The following PLEKHA5 variants were observed in gnomAD, a reference collection of about 807,000 sequenced individuals.
PLEKHA5 encodes the protein pleckstrin homology domain containing A5.
Under a neutral mutation model 181.9 loss-of-function variants are expected in PLEKHA5, and 55 were observed. The observed-to-expected ratio is 0.30, with a 90% CI of 0.24 to 0.38. PLEKHA5 has a LOEUF of 0.38. Ranked by LOEUF, PLEKHA5 falls within the 10% of genes least tolerant of loss-of-function variation. The pLI, the probability that PLEKHA5 is intolerant of heterozygous loss-of-function variation, is 1.00. For synonymous variants in PLEKHA5, 535 were observed against 529.4 expected (o/e 1.01, Z -0.15); for missense variants, 1,432 against 1,549.5 (o/e 0.92, Z 1.27).
chr12:19,223,012 T>A (rs1446856943), intron 3 of PLEKHA5, among the ~76,000 whole-genome samples: 1 of 151,486 alleles, frequency 6.6e-6, no homozygotes, highest in Non-Finnish European at 1.5e-5. Flanking sequence ...TTTTTTTTTT[T>A]TTTTTTTCAT....
At chr12:19,198,751 G>A (rs1270568805) in intron 3 of PLEKHA5, among the ~76,000 whole-genome samples, 1 of 1,032 alleles carries the variant, frequency 9.7e-4, no homozygotes, top group African/African-American at 1.4e-3. Context: ...CTTAGGCAGA[G>A]TGGGAAAAAA....
intron 3 of PLEKHA5, among the ~76,000 whole-genome samples, chr12:19,230,392 C>G (rs535859971): frequency 6.6e-6 from 1 of 152,244 alleles, no homozygotes; most frequent in East Asian, 1.9e-4. Flanking sequence ...TTGATGGGAC[C>G]GGGCGTCGCA....
chr12:19,131,994 C>T (rs2034026968), intron 2 of PLEKHA5, among the ~76,000 whole-genome samples: 1 of 152,072 alleles, frequency 6.6e-6, no homozygotes. Context: ...CTGAAAAATA[C>T]GGTCTTAAAT....
At chr12:19,134,109 C>T (rs1212275588) in intron 3 of PLEKHA5, among the ~76,000 whole-genome samples, 2 of 151,922 alleles carry the variant, frequency 1.3e-5, no homozygotes, top group South Asian at 2.1e-4. Flanking sequence ...TTTGATAGTA[C>T]AAAATCTTAT....
intron 14 of PLEKHA5, among the ~76,000 whole-genome samples, chr12:19,291,379 G>A (rs1211644487): frequency 6.6e-6 from 1 of 152,134 alleles, no homozygotes; most frequent in Non-Finnish European, 1.5e-5. Flanking sequence ...CAGTCAGTTT[G>A]CTAAAGCTAT....
intron 3 of PLEKHA5, among the ~76,000 whole-genome samples, chr12:19,223,083 T>C (rs1178179943): frequency 6.7e-6 from 1 of 148,536 alleles, no homozygotes; most frequent in Non-Finnish European, 1.5e-5. Context: ...AGGCCTAGCC[T>C]AATTTTGATC....
chr12:19,247,369 T>C (rs935398751), intron 3 of PLEKHA5, among the ~76,000 whole-genome samples: 1 of 152,200 alleles, frequency 6.6e-6, no homozygotes, highest in Non-Finnish European at 1.5e-5. Context: ...TGCTTAAAAG[T>C]TCAGCATAGC....
chr12:19,194,235 A>G lies in PLEKHA5; in HGVS notation c.228-59705A>G, dbSNP rs148380111. Among the ~76,000 whole-genome samples the G allele has an allele frequency of 2.3e-3, 346 of 152,334 alleles. 1 individual carries two copies. In the Middle Eastern group the frequency reaches 0.037, roughly 16 times the overall value. The stretch of plus-strand genomic sequence containing the variant: ...TGTCTGAGTTGTTTCACTTAAGATA[A>G]TGACCTTCAGTTCCATCCATGTTGC... On this transcript the variant is annotated intron_variant, in intron 3 of 31. Transcript: ENST00000429027.
intron 29 of PLEKHA5, 132 bp downstream of exon 29, chr12:19,361,838 G>A (rs2095253034): frequency 1.3e-6 from 1 of 748,660 alleles, no homozygotes; most frequent in African/African-American, 1.8e-5. Flanking sequence ...TCTTGAGCAA[G>A]TTATATAACC....
chr12:19,253,798 C>T (rs568077930), intron 3 of PLEKHA5, 142 bp from the exon 4 acceptor site: 19 of 633,486 alleles, frequency 3.0e-5, no homozygotes, highest in Admixed American at 9.5e-5. Context: ...CCAACCTGGG[C>T]GACAAGAATA....
At chr12:19,237,726 T>G (rs2152426504) in intron 3 of PLEKHA5, among the ~76,000 whole-genome samples, 1 of 152,084 alleles carries the variant, frequency 6.6e-6, no homozygotes. Flanking sequence ...TTAAAGAAAT[T>G]AAGAGTTCTG....
At chr12:19,282,383 A>C (rs1347983922) in intron 11 of PLEKHA5, among the ~76,000 whole-genome samples, 1 of 152,128 alleles carries the variant, frequency 6.6e-6, no homozygotes, top group Non-Finnish European at 1.5e-5. Context: ...TTTTATCTTT[A>C]ATAGAATTCT....
intron 3 of PLEKHA5, among the ~76,000 whole-genome samples, chr12:19,234,233 A>T (rs2061061613): frequency 6.6e-6 from 1 of 152,204 alleles, no homozygotes; most frequent in Non-Finnish European, 1.5e-5. Flanking sequence ...AGCCTTTTCC[A>T]GATTCCCCCA....
At position 19,305,377 on chromosome 12, in the gene PLEKHA5, A is replaced by G. The variant is rs1160018373; in HGVS notation, c.2038-9437A>G. On this transcript the variant is annotated intron_variant, in intron 15 of 31. Transcript: ENST00000429027. ...GGAGTTCAAGACCAGCCTGACCAAC[A>G]TGGTAAAACTCCGTCTCTACTAAAA... Among the ~76,000 whole-genome samples, 4 of 151,568 alleles carry G rather than the reference A, an allele frequency of 2.6e-5. No individual in the cohort carries two copies. The East Asian group carries it at 7.8e-4, about 30-fold the overall frequency.
chr12:19,261,503 A>G (rs895775108), intron 7 of PLEKHA5, among the ~76,000 whole-genome samples: 3 of 152,196 alleles, frequency 2.0e-5, no homozygotes, highest in Non-Finnish European at 4.4e-5. Context: ...TTCTCTGGTT[A>G]GTAAATTATT....
At chr12:19,350,864 G>GT (rs1402236931) in intron 25 of PLEKHA5, among the ~76,000 whole-genome samples, 1 of 149,540 alleles carries the variant, frequency 6.7e-6, no homozygotes, top group East Asian at 1.9e-4. Context: ...ATCTAATGTC[G>GT]TTTTTTAAAT....
intron 29 of PLEKHA5, among the ~76,000 whole-genome samples, chr12:19,364,097 C>T (rs1391850220): frequency 6.6e-6 from 1 of 152,098 alleles, no homozygotes; most frequent in African/African-American, 2.4e-5. Flanking sequence ...CTTTTAATTC[C>T]AAAACTTGGT....
intron 3 of PLEKHA5, among the ~76,000 whole-genome samples, chr12:19,183,212 A>G (rs927842563): frequency 3.5e-4 from 54 of 152,180 alleles, no homozygotes; most frequent in Non-Finnish European, 7.9e-4. Flanking sequence ...TTTTACATAG[A>G]TAGATAGATG....
At chr12:19,359,760 G>A (rs1225212725) in intron 28 of PLEKHA5, among the ~76,000 whole-genome samples, 3 of 149,638 alleles carry the variant, frequency 2.0e-5, no homozygotes, top group South Asian at 2.1e-4. Context: ...TCAGGAGATC[G>A]AGACCATCCT....
Sources: allele counts gnomAD v4.1 joint callset (sites outside exome capture counted in the v4.1 genomes callset), GRCh38; gene constraint gnomAD v4.1.1; transcripts MANE v1.5; gene names NCBI Gene and HGNC (gene_info 2026-07-23, HGNC 2026-07-21).